The following FAM171B variants were observed in gnomAD, a reference collection of about 807,000 sequenced individuals.
FAM171B encodes the protein family with sequence similarity 171 member B, also known as protein FAM171B.
FAM171B carries 19 observed loss-of-function variants against 75.6 expected under a neutral mutation model. That is an observed-to-expected ratio of 0.25 (90% CI 0.18 to 0.37). The LOEUF is 0.37. Among genes scored for constraint, FAM171B ranks in the 10% least tolerant of loss-of-function variants. FAM171B has a pLI of 1.00. For synonymous variants in FAM171B, 367 were observed against 361.7 expected, an observed-to-expected ratio of 1.01 and a Z score of -0.17; for missense variants, 848 against 982.4, an observed-to-expected ratio of 0.86 and a Z score of 1.83.
intron 2 of FAM171B, 76 bp downstream of exon 2, chr2:186,740,537 C>A: frequency 1.6e-6 from 2 of 1,248,100 alleles, no homozygotes; most frequent in Non-Finnish European, 2.2e-6. Flanking sequence ...TGGGGGATAT[C>A]TTGTTCTGGT....
intron 1 of FAM171B, among the ~76,000 whole-genome samples, chr2:186,731,350 G>A (rs1265966853): frequency 2.6e-5 from 4 of 152,220 alleles, no homozygotes; most frequent in Non-Finnish European, 5.9e-5. Flanking sequence ...GACTAGGGAA[G>A]CACTAGAAAG....
chr2:186,710,078 G>T (rs1451562505), intron 1 of FAM171B, among the ~76,000 whole-genome samples: 1 of 152,152 alleles, frequency 6.6e-6, no homozygotes, highest in Non-Finnish European at 1.5e-5. Flanking sequence ...GTATTTTGTG[G>T]ATACAACTGA....
At chr2:186,724,310 G>C (rs1689999291) in intron 1 of FAM171B, among the ~76,000 whole-genome samples, 1 of 152,104 alleles carries the variant, frequency 6.6e-6, no homozygotes, top group South Asian at 2.1e-4. Context: ...GCAGGATCAT[G>C]ATATACACAC....
Position 186,761,136 on chromosome 2 carries a change from A to G in FAM171B, c.1036A>G (p.Lys346Glu), listed in dbSNP as rs755855173. The G allele has an allele frequency of 6.2e-7, 1 of 1,610,494 alleles. No individual in the cohort carries two copies. The highest frequency in any genetic ancestry group is 1.3e-5 in the African/African-American group (1 of 74,740). Residue 346 changes from lysine to glutamate, a missense_variant, in exon 7 of 8, where the codon AAG becomes GAG. Coordinates refer to ENST00000304698, the MANE Select transcript of FAM171B (RefSeq NM_177454.4). ...AGGTTCAGGTATAAATGAAGATTCC[A>G]AGGACATAACTGCCTACCACACAGT... Reference protein sequence around the residue: ...TRGSGINEDSKDITAYHTVFL... With the variant: ...TRGSGINEDSEDITAYHTVFL...
At position 186,762,595 on chromosome 2, in the gene FAM171B, C is replaced by T. The variant is rs752788119; in HGVS notation, c.2253C>T (p.Thr751=). ...LDLSSSESGT[T]VCSPEDPALR... is the part of the protein sequence containing the mutation. Reference sequence around the variant, plus strand: ...TAAGCAGCAGTGAGAGTGGAACCACCGTCTGTTCCCCTGAGGACCCAGCTT... The same window carrying T: ...TAAGCAGCAGTGAGAGTGGAACCACTGTCTGTTCCCCTGAGGACCCAGCTT... Residue 751 remains threonine (T), a synonymous_variant, in exon 8 of 8, where the codon ACC becomes ACT. Transcript: ENST00000304698. This position sits in a 1 kb window ranked among gnomAD's most constrained non-coding sequence, Gnocchi z 4.0. 6.2e-5 allele frequency: 100 copies of T among 1,613,222 alleles called. No homozygotes were observed. In the African/African-American group the frequency reaches 9.6e-4, roughly 16 times the overall value.
At chr2:186,761,017 A>G (rs1690606145) in intron 6 of FAM171B, 96 bp from the exon 7 acceptor site, 3 of 1,279,498 alleles carry the variant, frequency 2.3e-6, no homozygotes, top group Non-Finnish European at 3.2e-6. Context: ...AAATAAAAGT[A>G]TGTACACTTA....
intron 6 of FAM171B, among the ~76,000 whole-genome samples, chr2:186,757,699 A>C (rs1345861018): frequency 6.6e-6 from 1 of 152,134 alleles, no homozygotes. Flanking sequence ...TTCAATGAAA[A>C]GAATGCTTTT....
rs545322682 is a variant in FAM171B at position 186,700,045 on chromosome 2, A to G, written c.238+5634A>G. Among the ~76,000 whole-genome samples the G allele has an allele frequency of 2.5e-4, 38 of 150,374 alleles. No homozygotes were observed. The East Asian group carries it at 6.4e-3, about 25-fold the overall frequency. On this transcript the variant is annotated intron_variant, in intron 1 of 7. Coordinates refer to ENST00000304698, the MANE Select transcript of FAM171B (RefSeq NM_177454.4). ...ACTATGGCTCTGCAGTATAATGTCA[A>G]GTCAGGTAATTTGATTTCTCCAATT...
At chr2:186,712,792 C>T (rs1225298004) in intron 1 of FAM171B, among the ~76,000 whole-genome samples, 2 of 152,144 alleles carry the variant, frequency 1.3e-5, no homozygotes, top group Non-Finnish European at 2.9e-5. Context: ...TTCTCACTTT[C>T]GTTTATTTGT....
chr2:186,730,517 C>T (rs972763068), intron 1 of FAM171B, among the ~76,000 whole-genome samples: 1 of 152,100 alleles, frequency 6.6e-6, no homozygotes, highest in Non-Finnish European at 1.5e-5. Flanking sequence ...CCCTGTTAGT[C>T]AGGCCTGTAT....
chr2:186,707,531 A>T (rs1364843824), intron 1 of FAM171B, among the ~76,000 whole-genome samples: 1 of 152,118 alleles, frequency 6.6e-6, no homozygotes, highest in East Asian at 1.9e-4. Context: ...TATGCTGATT[A>T]CTATGCTGAT....
At chr2:186,760,046 C>G (rs772103244) in intron 6 of FAM171B, among the ~76,000 whole-genome samples, 2 of 152,086 alleles carry the variant, frequency 1.3e-5, no homozygotes, top group African/African-American at 4.8e-5. Context: ...AGAGACTGTC[C>G]TTTCCCCAAT....
chr2:186,703,905 C>A (rs1689700317), intron 1 of FAM171B, among the ~76,000 whole-genome samples: 1 of 151,432 alleles, frequency 6.6e-6, no homozygotes, highest in Admixed American at 6.6e-5. Flanking sequence ...AAAATATCAC[C>A]AAAATAATGG....
rs200992002 is a variant in FAM171B at position 186,740,396 on chromosome 2, C to T, written c.407C>T (p.Thr136Ile). The change falls in exon 2 of 8, where the codon ACT becomes ATT. Residue 136 changes from threonine (T) to isoleucine (I), a missense_variant. Thr to Ile is a moderately conservative substitution (Grantham distance 89). Coordinates refer to ENST00000304698, the MANE Select transcript of FAM171B (RefSeq NM_177454.4). The stretch of plus-strand genomic sequence containing the variant: ...CCCTACAAATTAGGACTTAGTTTAA[C>T]TATTATTGCTTACAAAGATGGCTAC... ...KVPYKLGLSL[T>I]IIAYKDGYVL... The T allele has an allele frequency of 4.6e-5, 74 of 1,613,908 alleles. No homozygotes were observed. The Middle Eastern group carries it at 6.6e-4, about 14-fold the overall frequency.
rs1212496944 is a variant in FAM171B, at chr2:186,694,073, G to A, written c.-101G>A. On this transcript the variant is annotated 5_prime_UTR_variant, in exon 1 of 8. Transcript: ENST00000304698. ...AGGGAGTGCTTGGCAGATTGCGCGA[G>A]GGGGAGCGAGCGAGCGGGCGCTGCC... The A allele has an allele frequency of 3.7e-6, 5 of 1,365,556 alleles. No homozygotes were observed. Among genetic ancestry groups the A allele is most frequent in the Non-Finnish European group, 4.7e-6 (5 of 1,061,532 alleles). The allele number at this position is 1,365,556 out of a possible 1,614,324, so 84.6% of individuals were successfully genotyped here.
intron 1 of FAM171B, among the ~76,000 whole-genome samples, chr2:186,713,531 A>G (rs1482916323): frequency 3.9e-5 from 6 of 152,234 alleles, no homozygotes; most frequent in Non-Finnish European, 7.4e-5. Flanking sequence ...TCATTGATTT[A>G]TATACTATGA....
At chr2:186,752,905 ATTC>A (rs1442439898) in intron 5 of FAM171B, among the ~76,000 whole-genome samples, 1 of 152,186 alleles carries the variant, frequency 6.6e-6, no homozygotes, top group Non-Finnish European at 1.5e-5. Context: ...GTTTTACTGA[ATTC>A]TTTTTTCTTT....
At chr2:186,708,324 T>G (rs1689762404) in intron 1 of FAM171B, among the ~76,000 whole-genome samples, 1 of 151,446 alleles carries the variant, frequency 6.6e-6, no homozygotes, top group African/African-American at 2.4e-5. Context: ...TTGGTGAGAA[T>G]ATACAAGATT....
intron 1 of FAM171B, among the ~76,000 whole-genome samples, chr2:186,713,468 AATT>A: frequency 6.6e-6 from 1 of 152,336 alleles, no homozygotes; most frequent in Non-Finnish European, 1.5e-5. Flanking sequence ...ACTTATCAAT[AATT>A]ATTAGAGATT....
Sources: gnomAD v4.1 joint callset for allele counts (sites outside exome capture counted in the v4.1 genomes callset) on GRCh38, gnomAD v4.1.1 for gene constraint, Gnocchi (gnomAD v3.1) non-coding constraint, MANE v1.5 for transcripts, NCBI Gene and HGNC (gene_info 2026-07-23, HGNC 2026-07-21) for gene names.